Variants in SEMA3C observed in about 807,000 individuals in gnomAD.
SEMA3C encodes semaphorin-3C.
In SEMA3C, 47 loss-of-function variants were observed where a neutral mutation model predicts 89.4. The ratio of observed to expected loss-of-function variants is 0.53; its 90% CI spans 0.42 to 0.67. SEMA3C has a LOEUF of 0.67. Ranked by LOEUF, SEMA3C falls within the 30% of genes least tolerant of loss-of-function variation. The probability of loss-of-function intolerance (pLI) is 0.00; values close to 1 mark genes in which losing one functional copy is unlikely to be tolerated. For synonymous variants in SEMA3C, 310 were observed against 320.2 expected (o/e 0.97, Z 0.34); for missense variants, 839 against 929.1 (o/e 0.90, Z 1.26).
chr7:80,765,728 C>T lies in SEMA3C; in HGVS notation c.1355-485G>A, dbSNP rs543852309. On this transcript the variant is annotated intron_variant, in intron 12 of 17. Transcript: ENST00000265361. ...GGTATCTGGGATTACAGGTGCCCGC[C>T]ACCACGCCTGGCTAATTTTTTGTAT... is the stretch of plus-strand genomic sequence containing the variant. Among the ~76,000 whole-genome samples the T allele has an allele frequency of 2.0e-5, 3 of 152,186 alleles. No individual in the cohort carries two copies. In the East Asian group the frequency reaches 5.8e-4, roughly 30 times the overall value.
intron 2 of SEMA3C, among the ~76,000 whole-genome samples, chr7:80,861,238 A>AT (rs997121048): frequency 2.0e-5 from 3 of 152,148 alleles, no homozygotes; most frequent in Non-Finnish European, 4.4e-5. Context: ...AGAAATACAT[A>AT]TTTTTTATAC....
At chr7:80,878,204 C>G (rs375369267) in intron 2 of SEMA3C, among the ~76,000 whole-genome samples, 2 of 152,132 alleles carry the variant, frequency 1.3e-5, no homozygotes, top group Admixed American at 1.3e-4. Context: ...TCGGAGAAAC[C>G]CCATCTCTAC....
chr7:80,749,057 G>A, intron 16 of SEMA3C, 29 bp from the exon 17 acceptor site: 1 of 1,572,384 alleles, frequency 6.4e-7, no homozygotes, highest in Non-Finnish European at 8.6e-7. Flanking sequence ...AGGCGAGAGA[G>A]AAAGAAAGAA....
At chr7:80,895,251 T>G (rs1202617185) in intron 2 of SEMA3C, among the ~76,000 whole-genome samples, 1 of 152,154 alleles carries the variant, frequency 6.6e-6, no homozygotes, top group East Asian at 1.9e-4. Context: ...ATGTGTGTGG[T>G]GAGCCTGTGG....
intron 5 of SEMA3C, among the ~76,000 whole-genome samples, chr7:80,813,977 T>C (rs1479022497): frequency 2.6e-5 from 4 of 152,232 alleles, no homozygotes; most frequent in African/African-American, 9.6e-5. Flanking sequence ...TCAATGGCGC[T>C]TGGAATAGTT....
Position 80,798,185 on chromosome 7 carries a change from C to T in SEMA3C, c.1038G>A (p.Gln346=). 6.3e-7 allele frequency: 1 copy of T among 1,596,302 alleles called. No individual in the cohort carries two copies. Among genetic ancestry groups the T allele is most frequent in the Non-Finnish European group, 8.5e-7 (1 of 1,173,096 alleles). Residue 346 remains glutamine (Q), a synonymous_variant, in exon 11 of 18, where the codon CAG becomes CAA. Transcript: ENST00000265361. ...AVCVYHLSDI[Q]TVFNGPFAHK... ...GGGCAAAAGGCCCATTAAACACAGT[C>T]TGTATATCAGATAAATGATACACAC...
Position 80,744,668 on chromosome 7 carries a change from T to A in SEMA3C, c.*226A>T. 1 of 556,458 alleles carries A rather than the reference T, an allele frequency of 1.8e-6. No individual in the cohort carries two copies. Among genetic ancestry groups the A allele is most frequent in the Non-Finnish European group, 3.2e-6 (1 of 316,730 alleles). The allele number at this position is 556,458 out of a possible 1,614,324, so 34.5% of individuals were successfully genotyped here. ...ATAAAGATATAAATAAAATCTGGGTTAAGTTAAATATATTTATATGCACCA... is the reference window on the plus strand; with the variant it reads ...ATAAAGATATAAATAAAATCTGGGTAAAGTTAAATATATTTATATGCACCA... On this transcript the variant is annotated 3_prime_UTR_variant, in exon 18 of 18. Coordinates refer to ENST00000265361, the MANE Select transcript of SEMA3C (RefSeq NM_006379.5).
upstream of SEMA3C, among the ~76,000 whole-genome samples, chr7:80,921,742 T>G (rs1018591845): frequency 6.6e-6 from 1 of 152,102 alleles, no homozygotes; most frequent in Admixed American, 6.5e-5. Context: ...TATTAAGACG[T>G]TTTAGAAATG....
At chr7:80,851,816 A>G (rs963485963) in intron 2 of SEMA3C, among the ~76,000 whole-genome samples, 1 of 152,212 alleles carries the variant, frequency 6.6e-6, no homozygotes, top group Non-Finnish European at 1.5e-5. Flanking sequence ...ATCCACTACT[A>G]GTAAAAACAA....
intron 2 of SEMA3C, among the ~76,000 whole-genome samples, chr7:80,840,804 T>C (rs1297014572): frequency 1.3e-5 from 2 of 152,168 alleles, no homozygotes; most frequent in African/African-American, 2.4e-5. Flanking sequence ...CTCAATATTA[T>C]ACTAAAATCA....
rs1286072985 is a variant in SEMA3C, at chr7:80,758,476, C to T, written c.1498G>A (p.Val500Met). ...TGGGAAACCCCTTCATTGGAACTCA[C>T]ATACAACTGTTGCTATTAAAGGAAT... ...KISSKKQQLY[V>M]SSNEGVSQVS... is the part of the protein sequence containing the mutation. The change falls in exon 15 of 18, where the codon GTG (valine) becomes ATG (methionine). Residue 500 changes from valine to methionine, a missense_variant. By Grantham distance (21) the Val-to-Met change is conservative. Transcript: ENST00000265361. The T allele has an allele frequency of 6.2e-7, 1 of 1,613,652 alleles. No homozygotes were observed. The highest frequency in any genetic ancestry group is 1.1e-5 in the South Asian group (1 of 91,014).
chr7:80,908,831 C>T (rs1402678870), intron 2 of SEMA3C, among the ~76,000 whole-genome samples: 1 of 152,018 alleles, frequency 6.6e-6, no homozygotes, highest in Non-Finnish European at 1.5e-5. Flanking sequence ...ATAAGTGTTA[C>T]AATAATGTTT....
At chr7:80,888,868 T>C (rs1368652855) in intron 2 of SEMA3C, among the ~76,000 whole-genome samples, 2 of 136,270 alleles carry the variant, frequency 1.5e-5, no homozygotes, top group Non-Finnish European at 3.0e-5. Flanking sequence ...TGCATTTTAA[T>C]TTTTTTTTCT....
chr7:80,814,955 T>C (rs796187263), intron 5 of SEMA3C, among the ~76,000 whole-genome samples: 1 of 152,148 alleles, frequency 6.6e-6, no homozygotes. Flanking sequence ...CCACAAATCA[T>C]CTGTTACCTA....
intron 15 of SEMA3C, among the ~76,000 whole-genome samples, chr7:80,757,592 A>T (rs1259975778): frequency 6.6e-6 from 1 of 152,240 alleles, no homozygotes; most frequent in Non-Finnish European, 1.5e-5. Flanking sequence ...TAAGATAATT[A>T]TATTGTATCC....
intron 2 of SEMA3C, among the ~76,000 whole-genome samples, chr7:80,856,579 T>C (rs1360157004): frequency 2.9e-5 from 4 of 138,910 alleles, no homozygotes; most frequent in African/African-American, 8.2e-5. Context: ...TAGGAATTTA[T>C]GCTGAAAAAA....
intron 2 of SEMA3C, among the ~76,000 whole-genome samples, chr7:80,856,846 C>A (rs959980942): frequency 6.6e-6 from 1 of 152,044 alleles, no homozygotes; most frequent in Non-Finnish European, 1.5e-5. Flanking sequence ...GATTCTGCCC[C>A]CTGTGCCACC....
chr7:80,894,581 C>A (rs1324104425), intron 2 of SEMA3C, among the ~76,000 whole-genome samples: 1 of 152,160 alleles, frequency 6.6e-6, no homozygotes, highest in South Asian at 2.1e-4. Flanking sequence ...GGTTTGAAGG[C>A]AGACGACTGA....
chr7:80,848,970 A>G (rs1018783712), intron 2 of SEMA3C, among the ~76,000 whole-genome samples: 47 of 152,108 alleles, frequency 3.1e-4, no homozygotes, highest in African/African-American at 1.0e-3. Flanking sequence ...GAGAGATGAT[A>G]AGATCTCTTA....
Sources: gnomAD v4.1 joint callset for allele counts (sites outside exome capture counted in the v4.1 genomes callset) on GRCh38, gnomAD v4.1.1 for gene constraint, MANE v1.5 for transcripts, NCBI Gene and HGNC (gene_info 2026-07-23, HGNC 2026-07-21) for gene names.